Variants in DTNB observed in about 807,000 individuals in gnomAD.
DTNB encodes dystrobrevin beta.
DTNB carries 63 observed loss-of-function variants against 90.7 expected under a neutral mutation model. The ratio of observed to expected loss-of-function variants is 0.69; its 90% CI spans 0.57 to 0.86. DTNB has a LOEUF of 0.86. Ranked by LOEUF, DTNB falls within the 40% of genes least tolerant of loss-of-function variation. DTNB has a pLI of 0.00. For synonymous variants in DTNB, 277 were observed against 286.7 expected (o/e 0.97, Z 0.34); for missense variants, 744 against 807.1 (o/e 0.92, Z 0.95).
chr2:25,493,124 ATTTGGGAATCTTGAGCAGATTT>A (rs1197681743), intron 9 of DTNB, among the ~76,000 whole-genome samples: 1 of 152,166 alleles, frequency 6.6e-6, no homozygotes, highest in Non-Finnish European at 1.5e-5. Flanking sequence ...CTAGCCATGC[ATTTGGGAATCTTGAGCAGATTT>A]TTTGGGTGTC....
intron 9 of DTNB, among the ~76,000 whole-genome samples, chr2:25,519,300 G>A (rs1001802759): frequency 1.3e-5 from 2 of 151,718 alleles, no homozygotes; most frequent in Admixed American, 6.6e-5. Flanking sequence ...GGAGTTTTGA[G>A]GTTACAATGA....
chr2:25,542,663 G>C (rs577181335), intron 8 of DTNB, among the ~76,000 whole-genome samples: 9 of 152,122 alleles, frequency 5.9e-5, no homozygotes, highest in Non-Finnish European at 1.3e-4. Context: ...TGTTTCCTTT[G>C]TGTAAATATA....
At chr2:25,529,576 C>CT (rs2150898515) in intron 9 of DTNB, among the ~76,000 whole-genome samples, 1 of 151,848 alleles carries the variant, frequency 6.6e-6, no homozygotes, top group South Asian at 2.1e-4. Context: ...TGGGAGACAT[C>CT]TTTTTTCCCA....
At chr2:25,423,397 C>T (rs2050441940) in intron 15 of DTNB, among the ~76,000 whole-genome samples, 2 of 152,278 alleles carry the variant, frequency 1.3e-5, no homozygotes, top group South Asian at 4.1e-4. Context: ...AATGAATTAA[C>T]AGTGATGTCA....
chr2:25,673,521 G>C lies in DTNB; in HGVS notation c.-137C>G, dbSNP rs542348321. 3.3e-5 allele frequency: 5 copies of C among 149,740 alleles called. No individual in the cohort carries two copies. The highest frequency in any genetic ancestry group is 2.0e-4 in the East Asian group (1 of 5,080). 9.3% of individuals were successfully genotyped at this position (149,740 alleles called of 1,614,324 possible). A position where few individuals can be genotyped will look rare whatever the true frequency, so the allele number is the denominator to read the frequency against. On this transcript the variant is annotated 5_prime_UTR_variant, in exon 1 of 21. Coordinates refer to ENST00000406818, the MANE Select transcript of DTNB (RefSeq NM_021907.5). ...CAGGCCCCGGAGCCACCCCCGCGGCGAACGTTCGCAGCGCCCGGCTCGCGC... is the reference window on the plus strand; with the variant it reads ...CAGGCCCCGGAGCCACCCCCGCGGCCAACGTTCGCAGCGCCCGGCTCGCGC...
intron 8 of DTNB, among the ~76,000 whole-genome samples, chr2:25,535,636 C>T (rs1158045895): frequency 1.4e-5 from 2 of 148,108 alleles, no homozygotes; most frequent in East Asian, 2.1e-4. Flanking sequence ...GCGCTCCTCA[C>T]CTCCCAGACA....
chr2:25,588,040 A>AG (rs1014916485), intron 6 of DTNB, among the ~76,000 whole-genome samples: 53 of 152,292 alleles, frequency 3.5e-4, no homozygotes, highest in African/African-American at 1.2e-3. Context: ...TCATCTATTC[A>AG]GGGGAACTTG....
At chr2:25,404,286 G>A (rs150534979) in intron 16 of DTNB, among the ~76,000 whole-genome samples, 47 of 152,248 alleles carry the variant, frequency 3.1e-4, no homozygotes, top group Admixed American at 4.6e-4. Flanking sequence ...CTGGCCTGAC[G>A]TTATGGAACA....
At chr2:25,572,495 G>A (rs565526346) in intron 8 of DTNB, among the ~76,000 whole-genome samples, 4 of 150,180 alleles carry the variant, frequency 2.7e-5, no homozygotes, top group South Asian at 4.2e-4. Flanking sequence ...TATCTGCACC[G>A]TCCCTTCCTG....
chr2:25,455,573 C>A lies in DTNB; in HGVS notation c.1080-79G>T, dbSNP rs558713927. On this transcript the variant is annotated intron_variant, in intron 10 of 20. Coordinates refer to ENST00000406818, the MANE Select transcript of DTNB (RefSeq NM_021907.5). ...AGAAATGAACATGGATTAAAATGAG[C>A]AAACTTCAAAGAAAAATTTAAAAAA... is the stretch of plus-strand genomic sequence containing the variant. 412 of 1,224,768 alleles carry A rather than the reference C, an allele frequency of 3.4e-4. 2 individuals are homozygous for A. The highest frequency in any genetic ancestry group is 3.0e-3 in the South Asian group (211 of 69,302). 75.9% of individuals were successfully genotyped at this position (1,224,768 alleles called of 1,614,324 possible).
intron 8 of DTNB, among the ~76,000 whole-genome samples, chr2:25,564,285 GA>G (rs1371372090): frequency 6.6e-6 from 1 of 152,230 alleles, no homozygotes; most frequent in Non-Finnish European, 1.5e-5. Context: ...AGACTGCACT[GA>G]ATCTGTAGAT....
At chr2:25,636,656 A>G (rs1266279269) in intron 3 of DTNB, among the ~76,000 whole-genome samples, 1 of 152,226 alleles carries the variant, frequency 6.6e-6, no homozygotes, top group Non-Finnish European at 1.5e-5. Flanking sequence ...ATATATTTAA[A>G]TCATCATGTA....
At chr2:25,621,446 C>CT (rs35400547) in intron 4 of DTNB, among the ~76,000 whole-genome samples, 57,683 of 132,610 alleles carry the variant, frequency 0.43, 13,693 homozygotes, top group East Asian at 0.75. Context: ...GCTAAATCAA[C>CT]TTTTTTTTTT....
At chr2:25,502,166 CTGAG>C (rs1223741434) in intron 9 of DTNB, among the ~76,000 whole-genome samples, 2 of 152,016 alleles carry the variant, frequency 1.3e-5, no homozygotes, top group East Asian at 1.9e-4. Context: ...ACCTGAGCGA[CTGAG>C]TGAGAACCTG....
intron 8 of DTNB, among the ~76,000 whole-genome samples, chr2:25,575,469 G>A (rs1354053738): frequency 1.3e-5 from 2 of 151,596 alleles, no homozygotes; most frequent in African/African-American, 4.8e-5. Flanking sequence ...ACCCAGGATA[G>A]GATATTCAGT....
chr2:25,559,292 T>C (rs766997663), intron 8 of DTNB, among the ~76,000 whole-genome samples: 1 of 152,174 alleles, frequency 6.6e-6, no homozygotes, highest in Admixed American at 6.5e-5. Flanking sequence ...ACCTCTTCTC[T>C]GAATGTTGCT....
chr2:25,504,764 T>A (rs556746170), intron 9 of DTNB, among the ~76,000 whole-genome samples: 1 of 152,340 alleles, frequency 6.6e-6, no homozygotes, highest in East Asian at 1.9e-4. Context: ...ATAGATTTCA[T>A]ATTGCTAAGA....
chr2:25,557,731 A>G (rs1278439587), intron 8 of DTNB, among the ~76,000 whole-genome samples: 6 of 152,192 alleles, frequency 3.9e-5, no homozygotes, highest in Non-Finnish European at 8.8e-5. Flanking sequence ...CTTCCCCACA[A>G]ATTAGAAGTT....
At chr2:25,527,297 G>A (rs1187672720) in intron 9 of DTNB, among the ~76,000 whole-genome samples, 2 of 152,150 alleles carry the variant, frequency 1.3e-5, no homozygotes, top group African/African-American at 4.8e-5. Flanking sequence ...GCCAAAAGGG[G>A]GTGGATCAAG....
Sources: allele counts gnomAD v4.1 joint callset (sites outside exome capture counted in the v4.1 genomes callset), GRCh38; gene constraint gnomAD v4.1.1; transcripts MANE v1.5; gene names NCBI Gene and HGNC (gene_info 2026-07-23, HGNC 2026-07-21).